Variants in IMMP2L observed in about 807,000 individuals in gnomAD.
The protein encoded by IMMP2L is inner mitochondrial membrane peptidase subunit 2.
In IMMP2L, 18 loss-of-function variants were observed where a neutral mutation model predicts 19.3. The observed-to-expected ratio is 0.93, with a 90% CI of 0.64 to 1.38. The LOEUF is 1.38. Ranked by LOEUF, IMMP2L falls within the 40% of genes most tolerant of loss-of-function variation. IMMP2L has a pLI of 0.00. For missense variants in IMMP2L, 233 were observed against 218.2 expected (o/e 1.07, Z -0.43); for synonymous variants, 76 against 73.0 (o/e 1.04, Z -0.21).
Position 111,359,016 on chromosome 7 carries a change from T to C in IMMP2L, c.239+128222A>G, listed in dbSNP as rs12154660. On this transcript the variant is annotated intron_variant, in intron 3 of 5. Transcript: ENST00000405709. ...TAGATAGCTAGAACAAAAGCTAAGC[T>C]AGAAAGCTAAAGTTTATTTCCTAGA... 2.0e-3 allele frequency among the ~76,000 whole-genome samples: 307 copies of C among 152,228 alleles called. 2 individuals carry two copies. Among genetic ancestry groups the C allele is most frequent in the Non-Finnish European group, 3.1e-3 (213 of 68,018 alleles).
At chr7:111,164,535 G>C (rs1328307908) in intron 3 of IMMP2L, among the ~76,000 whole-genome samples, 1 of 152,048 alleles carries the variant, frequency 6.6e-6, no homozygotes. Context: ...GGATGAAAGA[G>C]TGGAGTGATC....
rs1191008489 is a variant in IMMP2L at position 111,213,431 on chromosome 7, C to T, written c.240-249866G>A. Among the ~76,000 whole-genome samples the T allele has an allele frequency of 6.6e-6, 1 of 152,128 alleles. No individual in the cohort carries two copies. Among genetic ancestry groups the T allele is most frequent in the Non-Finnish European group, 1.5e-5 (1 of 68,022 alleles). On this transcript the variant is annotated intron_variant, in intron 3 of 5. Transcript: ENST00000405709. The surrounding 1 kb of genome is among the most constrained non-coding windows in gnomAD (Gnocchi z 4.8). ...CATGAACTGTGGCAGGAGGCAGACG[C>T]GCTCCTGAGTGGAAGGGGGTGGGTC...
rs942297470 is a variant in IMMP2L at position 111,271,227 on chromosome 7, T to C, written c.239+216011A>G. Among the ~76,000 whole-genome samples, 5 of 152,242 alleles carry C rather than the reference T, an allele frequency of 3.3e-5. No homozygotes were observed. In the East Asian group the frequency reaches 9.7e-4, roughly 29 times the overall value. On this transcript the variant is annotated intron_variant, in intron 3 of 5. Transcript: ENST00000405709. The stretch of plus-strand genomic sequence containing the variant: ...GACGTGTTTGCTTCCCTTTCCATCA[T>C]GATTGTAAGTTTCCTGAGGCCTCCC...
intron 5 of IMMP2L, among the ~76,000 whole-genome samples, chr7:110,830,025 G>C (rs1401438078): frequency 6.6e-6 from 1 of 152,094 alleles, no homozygotes; most frequent in African/African-American, 2.4e-5. Flanking sequence ...TGAGGGAACA[G>C]GGCTGGGGCA....
chr7:110,675,543 A>G (rs1792239156), intron 5 of IMMP2L, among the ~76,000 whole-genome samples: 1 of 152,204 alleles, frequency 6.6e-6, no homozygotes. Context: ...TTTTGAAAAC[A>G]TTACTATTGG....
At chr7:110,956,925 T>G (rs190088439) in intron 4 of IMMP2L, among the ~76,000 whole-genome samples, 2 of 152,122 alleles carry the variant, frequency 1.3e-5, no homozygotes, top group Non-Finnish European at 2.9e-5. Context: ...CATTTTATGG[T>G]TTTCTAAAAC....
At chr7:110,799,600 A>G (rs578131263) in intron 5 of IMMP2L, among the ~76,000 whole-genome samples, 6 of 152,178 alleles carry the variant, frequency 3.9e-5, no homozygotes, top group Non-Finnish European at 5.9e-5. Context: ...GTAAAGGGAA[A>G]CATACTGGAG....
At chr7:111,059,654 G>T (rs950390874) in intron 3 of IMMP2L, among the ~76,000 whole-genome samples, 1 of 152,096 alleles carries the variant, frequency 6.6e-6, no homozygotes, top group Non-Finnish European at 1.5e-5. Context: ...ATTTTAGCAT[G>T]AGTATTTGTC....
chr7:111,411,306 G>C (rs1834400423), intron 3 of IMMP2L: 1 of 204,704 alleles, frequency 4.9e-6, no homozygotes, highest in Non-Finnish European at 1.0e-5. Flanking sequence ...GAACACAAAG[G>C]CAAAGATGTC....
In IMMP2L at chr7:110,884,799, A is replaced by G. The variant is rs574078432; in HGVS notation, c.408+1794T>C. Among the ~76,000 whole-genome samples the G allele has an allele frequency of 2.0e-5, 3 of 152,172 alleles. No homozygotes were observed. The East Asian group carries it at 5.8e-4, about 29-fold the overall frequency. On this transcript the variant is annotated intron_variant, in intron 5 of 5. Coordinates refer to ENST00000405709, the MANE Select transcript of IMMP2L (RefSeq NM_032549.4). ...ACAAAAATTAGATTATATTTTTGTA[A>G]TAATTACTATTCAAAAGCAAGAGAA...
At chr7:110,962,802 G>T in intron 4 of IMMP2L, 1 of 1,185,174 alleles carries the variant, frequency 8.4e-7, no homozygotes, top group Non-Finnish European at 1.0e-6. Context: ...AGAAAACAGG[G>T]TCAGAAAACT....
At chr7:110,901,806 TAA>T (rs1238657665) in intron 4 of IMMP2L, among the ~76,000 whole-genome samples, 3 of 152,166 alleles carry the variant, frequency 2.0e-5, no homozygotes, top group Non-Finnish European at 4.4e-5. Context: ...ATTATTTTTT[TAA>T]AAATGATGGC....
chr7:111,342,968 C>T (rs973728939), intron 3 of IMMP2L, among the ~76,000 whole-genome samples: 3 of 151,970 alleles, frequency 2.0e-5, no homozygotes, highest in African/African-American at 7.3e-5. Flanking sequence ...ATTTAAATAA[C>T]AGAATAAAGT....
intron 3 of IMMP2L, among the ~76,000 whole-genome samples, chr7:110,985,913 G>C (rs777139196): frequency 9.9e-5 from 15 of 152,048 alleles, no homozygotes; most frequent in Non-Finnish European, 1.8e-4. Flanking sequence ...ATTTACCAAC[G>C]TAATGATAAT....
chr7:111,367,088 G>A lies in IMMP2L; in HGVS notation c.239+120150C>T, dbSNP rs569366148. The stretch of plus-strand genomic sequence containing the variant: ...GAGAGAGAGGAATAGGAGAGAGGAG[G>A]AACGCACAGAAGAATATGCTGACAG... On this transcript the variant is annotated intron_variant, in intron 3 of 5. Transcript: ENST00000405709. 8.6e-5 allele frequency among the ~76,000 whole-genome samples: 13 copies of A among 151,084 alleles called. No individual in the cohort carries two copies. In the South Asian group the frequency reaches 2.3e-3, roughly 27 times the overall value.
At chr7:111,218,895 A>T (rs1159795678) in intron 3 of IMMP2L, among the ~76,000 whole-genome samples, 1 of 152,012 alleles carries the variant, frequency 6.6e-6, no homozygotes, top group Non-Finnish European at 1.5e-5. Context: ...TGCCTCTTCT[A>T]ATACAAAATA....
intron 5 of IMMP2L, among the ~76,000 whole-genome samples, chr7:110,883,805 A>T (rs1202733527): frequency 1.3e-5 from 2 of 152,066 alleles, no homozygotes; most frequent in East Asian, 3.9e-4. Flanking sequence ...TTCACAATTC[A>T]CTATGCAGGA....
In IMMP2L at chr7:111,417,603, G is replaced by A. The variant is rs540689714; in HGVS notation, c.239+69635C>T. On this transcript the variant is annotated intron_variant, in intron 3 of 5. Transcript: ENST00000405709. ...AATGTGTAACCTCTGTCACGAATGT[G>A]TCCCATGGCAACGAGAACTAAAGAT... 1.2e-3 allele frequency among the ~76,000 whole-genome samples: 182 copies of A among 151,920 alleles called. 1 individual carries two copies. Among genetic ancestry groups the A allele is most frequent in the Non-Finnish European group, 1.8e-3 (120 of 68,008 alleles).
intron 3 of IMMP2L, among the ~76,000 whole-genome samples, chr7:110,970,420 ATG>A (rs371448902): frequency 4.0e-5 from 6 of 151,864 alleles, no homozygotes; most frequent in Non-Finnish European, 5.9e-5. Flanking sequence ...CATATGTAAA[ATG>A]TGTGTGTGTG....
Sources: allele counts gnomAD v4.1 joint callset (sites outside exome capture counted in the v4.1 genomes callset), GRCh38; gene constraint gnomAD v4.1.1; non-coding constraint Gnocchi (gnomAD v3.1); transcripts MANE v1.5; gene names NCBI Gene and HGNC (gene_info 2026-07-23, HGNC 2026-07-21).